ZC3H8: variants seen among roughly 807,000 people sequenced by gnomAD.
ZC3H8 encodes zinc finger CCCH-type containing 8.
In ZC3H8, 27 loss-of-function variants were observed where a neutral mutation model predicts 42.5. The observed-to-expected ratio is 0.64, with a 90% CI of 0.47 to 0.88. The LOEUF (loss-of-function observed/expected upper bound fraction) is 0.88, where lower values mean the gene tolerates loss of function less well. Among genes scored for constraint, ZC3H8 ranks in the 40% least tolerant of loss-of-function variants. The pLI, the probability that ZC3H8 is intolerant of heterozygous loss-of-function variation, is 0.00. For missense variants in ZC3H8, 277 were observed against 336.1 expected, an observed-to-expected ratio of 0.82 and a Z score of 1.37; for synonymous variants, 101 against 110.1, an observed-to-expected ratio of 0.92 and a Z score of 0.52.
chr2:112,236,502 T>C, intron 4 of ZC3H8, 60 bp downstream of exon 4: 1 of 1,583,446 alleles, frequency 6.3e-7, no homozygotes, highest in East Asian at 2.2e-5. Context: ...CACTGAAGTA[T>C]AAGATCAAGT....
intron 2 of ZC3H8, among the ~76,000 whole-genome samples, chr2:112,243,633 T>G (rs1249301765): frequency 6.6e-6 from 1 of 151,454 alleles, no homozygotes; most frequent in Admixed American, 6.6e-5. Context: ...ATTATTATTA[T>G]GTACTGAAGT....
intron 4 of ZC3H8, among the ~76,000 whole-genome samples, chr2:112,235,104 G>C (rs1185190790): frequency 6.6e-6 from 1 of 151,970 alleles, no homozygotes; most frequent in East Asian, 1.9e-4. Flanking sequence ...GAAACATAAG[G>C]TACTTTTTAC....
intron 2 of ZC3H8, among the ~76,000 whole-genome samples, chr2:112,249,314 A>G (rs1558934291): frequency 6.6e-6 from 1 of 152,236 alleles, no homozygotes; most frequent in Non-Finnish European, 1.5e-5. Flanking sequence ...CCAGCATTCC[A>G]TCAGGAGCTA....
rs1175714490 is a variant in ZC3H8 at position 112,254,290 on chromosome 2, C to T, written c.74+618G>A. 3.3e-5 allele frequency among the ~76,000 whole-genome samples: 5 copies of T among 152,190 alleles called. 1 individual carries two copies. The highest frequency in any genetic ancestry group is 7.4e-5 in the Non-Finnish European group (5 of 68,024). ...GACACTGCTCCAAAAATATAATCTACAAATTAGGGCCATCTGACCAAGAGT... is the reference window on the plus strand; with the variant it reads ...GACACTGCTCCAAAAATATAATCTATAAATTAGGGCCATCTGACCAAGAGT... On this transcript the variant is annotated intron_variant, in intron 1 of 8. Coordinates refer to ENST00000409573, the MANE Select transcript of ZC3H8 (RefSeq NM_032494.3).
intron 2 of ZC3H8, among the ~76,000 whole-genome samples, chr2:112,248,496 C>G (rs1685833781): frequency 6.6e-6 from 1 of 152,010 alleles, no homozygotes; most frequent in Non-Finnish European, 1.5e-5. Context: ...TGTTAAAACT[C>G]ATTTTTTTTT....
intron 1 of ZC3H8, among the ~76,000 whole-genome samples, chr2:112,254,306 G>A (rs910021321): frequency 6.6e-6 from 1 of 152,202 alleles, no homozygotes; most frequent in African/African-American, 2.4e-5. Context: ...AGGGCCATCT[G>A]ACCAAGAGTC....
intron 6 of ZC3H8, among the ~76,000 whole-genome samples, chr2:112,232,558 T>G (rs990069333): frequency 4.6e-5 from 7 of 152,176 alleles, no homozygotes; most frequent in Non-Finnish European, 1.0e-4. Context: ...ATAAATGTGA[T>G]CATTTTTAAA....
chr2:112,227,550 T>C (rs746452405), intron 8 of ZC3H8, among the ~76,000 whole-genome samples: 2 of 152,104 alleles, frequency 1.3e-5, no homozygotes, highest in Non-Finnish European at 2.9e-5. Flanking sequence ...AGACATAACA[T>C]AATCCTACAT....
rs1266795257 is a variant in ZC3H8, at chr2:112,231,780, A to C, written c.843+58T>G. The C allele has an allele frequency of 5.7e-6, 6 of 1,057,676 alleles. No individual in the cohort carries two copies. The Admixed American group carries it at 9.7e-5, about 17-fold the overall frequency. 65.5% of individuals were successfully genotyped at this position (1,057,676 alleles called of 1,614,324 possible). A position where few individuals can be genotyped will look rare whatever the true frequency, so the allele number is the denominator to read the frequency against. On this transcript the variant is annotated intron_variant, in intron 7 of 8. Coordinates refer to ENST00000409573, the MANE Select transcript of ZC3H8 (RefSeq NM_032494.3). ...TAATTATCTTCAAATTCTCATCCTT[A>C]GTTCAAACATATTCCTTAAAAAAGA...
intron 4 of ZC3H8, among the ~76,000 whole-genome samples, chr2:112,236,219 G>A (rs552902717): frequency 2.8e-4 from 42 of 152,122 alleles, no homozygotes; most frequent in Non-Finnish European, 3.8e-4. Context: ...AGCCGAGATC[G>A]CACCAGCCTG....
Position 112,236,576 on chromosome 2 carries a change from C to T in ZC3H8, c.490G>A (p.Gly164Ser), listed in dbSNP as rs202055189. The T allele has an allele frequency of 1.2e-5, 19 of 1,613,430 alleles. No individual in the cohort carries two copies. The highest frequency in any genetic ancestry group is 4.5e-5 in the East Asian group (2 of 44,886). ...TATTCCAATACCTCTTCCTGTGAGC[C>T]GCTGTTCCTCAGCAAAGCATTTGAT... ...KGSNALLRNSGSQEEDGKPKE... is the reference protein window; with the variant it reads ...KGSNALLRNSSSQEEDGKPKE... Residue 164 changes from glycine (G) to serine (S), a missense_variant, in exon 4 of 9, where the codon GGC becomes AGC. Physicochemically the swap from Gly to Ser is moderately conservative, Grantham distance 56. Transcript: ENST00000409573.
At chr2:112,243,057 C>T (rs1038785158) in intron 2 of ZC3H8, among the ~76,000 whole-genome samples, 4 of 152,204 alleles carry the variant, frequency 2.6e-5, no homozygotes, top group Admixed American at 6.5e-5. Context: ...CAATTTAAAA[C>T]CAGGTAAATA....
At chr2:112,254,874 C>T (rs755858680) in intron 1 of ZC3H8, 34 bp downstream of exon 1, 28 of 1,607,758 alleles carry the variant, frequency 1.7e-5, no homozygotes, top group Admixed American at 1.5e-4. Flanking sequence ...CCGCTGAGCC[C>T]CTGCATTCAA....
intron 2 of ZC3H8, among the ~76,000 whole-genome samples, chr2:112,249,661 G>T (rs1295413320): frequency 6.6e-6 from 1 of 152,102 alleles, no homozygotes; most frequent in Non-Finnish European, 1.5e-5. Flanking sequence ...GGCCAGGCTG[G>T]TCTCAAACTC....
intron 4 of ZC3H8, among the ~76,000 whole-genome samples, chr2:112,235,777 C>T (rs1007815681): frequency 6.6e-6 from 1 of 151,880 alleles, no homozygotes; most frequent in Admixed American, 6.6e-5. Flanking sequence ...TCAGTAAGGC[C>T]AATGCTCAGA....
intron 2 of ZC3H8, among the ~76,000 whole-genome samples, chr2:112,243,628 T>G (rs979225546): frequency 1.3e-5 from 2 of 152,178 alleles, no homozygotes; most frequent in African/African-American, 2.4e-5. Context: ...AAACAATTAT[T>G]ATTATGTACT....
Position 112,238,439 on chromosome 2 carries a change from G to A in ZC3H8, c.246C>T (p.Cys82=), listed in dbSNP as rs1463403496. Residue 82 remains cysteine, a synonymous_variant, in exon 3 of 9, where the codon TGC becomes TGT. Transcript: ENST00000409573. ...DYDVYSDNDI[C]SQESEDNFAK... ...CAAAATTATCTTCTGATTCCTGACT[G>A]CAGATATCATTATCACTATATACAT... 6.2e-7 allele frequency: 1 copy of A among 1,613,474 alleles called. No homozygotes were observed. Among genetic ancestry groups the A allele is most frequent in the Admixed American group, 1.7e-5 (1 of 60,016 alleles).
chr2:112,243,351 G>T (rs1685647606), intron 2 of ZC3H8, among the ~76,000 whole-genome samples: 1 of 152,172 alleles, frequency 6.6e-6, no homozygotes, highest in Non-Finnish European at 1.5e-5. Context: ...TCTAAGAGAA[G>T]AATCGAACAA....
intron 2 of ZC3H8, among the ~76,000 whole-genome samples, chr2:112,247,509 G>A (rs1685802700): frequency 6.6e-6 from 1 of 152,188 alleles, no homozygotes; most frequent in Non-Finnish European, 1.5e-5. Context: ...AACCTGGGAG[G>A]TGGAGGTTGC....
Sources: allele counts gnomAD v4.1 joint callset (sites outside exome capture counted in the v4.1 genomes callset), GRCh38; gene constraint gnomAD v4.1.1; transcripts MANE v1.5; gene names NCBI Gene and HGNC (gene_info 2026-07-23, HGNC 2026-07-21).